ACTR3C: variants seen among roughly 807,000 people sequenced by gnomAD.
ACTR3C encodes actin-related protein 3C.
A neutral mutation model predicts 26.3 loss-of-function variants in ACTR3C; 18 were observed. The observed-to-expected ratio is 0.68, with a 90% CI of 0.47 to 1.01. The LOEUF (loss-of-function observed/expected upper bound fraction) is 1.01. Among genes scored for constraint, ACTR3C ranks in the 50% least tolerant of loss-of-function variants. The pLI is 0.00. For missense variants in ACTR3C, 184 were observed against 250.7 expected (o/e 0.73, Z 1.80); for synonymous variants, 55 against 94.5 (o/e 0.58, Z 2.42).
At chr7:150,215,383 AT>A in the ACTR3C span, among the ~76,000 whole-genome samples, 1 of 152,138 alleles carries the variant, frequency 6.6e-6, no homozygotes, top group African/African-American at 2.4e-5. Context: ...CAAATGATGA[AT>A]AAGGATTGAC....
the ACTR3C span, among the ~76,000 whole-genome samples, chr7:149,966,702 C>T: frequency 2.6e-5 from 4 of 152,278 alleles, no homozygotes; most frequent in Middle Eastern, 3.4e-3. Flanking sequence ...GACTAAGGAA[C>T]GACCTTGAGG....
the ACTR3C span, among the ~76,000 whole-genome samples, chr7:149,961,666 A>G: frequency 2.0e-5 from 3 of 151,802 alleles, no homozygotes; most frequent in Non-Finnish European, 4.4e-5. Flanking sequence ...CTATGGGCTC[A>G]TAGAAGTATA....
chr7:149,935,668 C>T, the ACTR3C span, among the ~76,000 whole-genome samples: 6 of 121,420 alleles, frequency 4.9e-5, no homozygotes, highest in African/African-American at 1.5e-4. Flanking sequence ...TCCCAAAGTG[C>T]TGGGATTACA....
chr7:150,126,325 C>T, the ACTR3C span, among the ~76,000 whole-genome samples: 1 of 152,146 alleles, frequency 6.6e-6, no homozygotes, highest in Non-Finnish European at 1.5e-5. Flanking sequence ...ATTTATGATT[C>T]GGAATCAGGA....
chr7:149,985,227 C>CACACACACAT, the ACTR3C span, among the ~76,000 whole-genome samples: 905 of 151,294 alleles, frequency 6.0e-3, 9 homozygotes, highest in African/African-American at 0.021. Context: ...CACACACACA[C>CACACACACAT]ACACACACAC....
chr7:150,043,562 C>G, the ACTR3C span, among the ~76,000 whole-genome samples: 1 of 152,228 alleles, frequency 6.6e-6, no homozygotes, highest in Non-Finnish European at 1.5e-5. Flanking sequence ...CTTCTCAGTA[C>G]CTGGCCTCAT....
the ACTR3C span, among the ~76,000 whole-genome samples, chr7:149,997,232 G>A: frequency 6.6e-6 from 1 of 151,238 alleles, no homozygotes; most frequent in Non-Finnish European, 1.5e-5. Flanking sequence ...TGGCTGTGGT[G>A]GTTCACTCCC....
chr7:149,993,209 G>A, the ACTR3C span, among the ~76,000 whole-genome samples: 1 of 145,994 alleles, frequency 6.8e-6, no homozygotes. Flanking sequence ...CACCTTCACC[G>A]ACACACCCAG....
intron 6 of ACTR3C, among the ~76,000 whole-genome samples, chr7:150,267,993 T>C (rs1237300038): frequency 6.6e-6 from 1 of 152,178 alleles, no homozygotes; most frequent in African/African-American, 2.4e-5. Flanking sequence ...TATCTCAAAG[T>C]TGAACCTTTT....
the ACTR3C span, among the ~76,000 whole-genome samples, chr7:149,938,079 GC>G: frequency 6.6e-6 from 1 of 152,174 alleles, no homozygotes; most frequent in East Asian, 1.9e-4. Flanking sequence ...TCTTCCCTGG[GC>G]AAGAGGTTGA....
At chr7:150,231,181 A>G in the ACTR3C span, among the ~76,000 whole-genome samples, 1 of 152,044 alleles carries the variant, frequency 6.6e-6, no homozygotes, top group Non-Finnish European at 1.5e-5. Flanking sequence ...TCTTGAGCCT[A>G]CTTATTTAGA....
the ACTR3C span, among the ~76,000 whole-genome samples, chr7:150,109,263 T>C: frequency 1.3e-5 from 2 of 152,064 alleles, no homozygotes; most frequent in African/African-American, 4.8e-5. Context: ...CAAAGGAATT[T>C]GTATAGCTTT....
the ACTR3C span, among the ~76,000 whole-genome samples, chr7:150,067,234 G>A: frequency 6.6e-6 from 1 of 152,232 alleles, no homozygotes; most frequent in Non-Finnish European, 1.5e-5. Context: ...TTAAATGCTG[G>A]ATGGGGACTT....
chr7:150,012,145 G>A, the ACTR3C span, among the ~76,000 whole-genome samples: 1 of 152,102 alleles, frequency 6.6e-6, no homozygotes, highest in Admixed American at 6.5e-5. Context: ...CCAGTGTGTA[G>A]GCTAAGTCAG....
At chr7:150,202,492 C>T in the ACTR3C span, among the ~76,000 whole-genome samples, 2 of 152,074 alleles carry the variant, frequency 1.3e-5, no homozygotes, top group Non-Finnish European at 2.9e-5. Context: ...AAGTAAATGT[C>T]ATTCAGCAAT....
chr7:149,964,374 T>A, the ACTR3C span, among the ~76,000 whole-genome samples: 1 of 152,224 alleles, frequency 6.6e-6, no homozygotes, highest in Non-Finnish European at 1.5e-5. Flanking sequence ...CTTTCGAGAC[T>A]ACTGAACCGA....
chr7:150,028,700 TCATC>T, the ACTR3C span, among the ~76,000 whole-genome samples: 2 of 152,124 alleles, frequency 1.3e-5, no homozygotes, highest in Non-Finnish European at 2.9e-5. Context: ...ACCCCCACAC[TCATC>T]CCCCTGTGCT....
chr7:150,127,316 G>A, the ACTR3C span, among the ~76,000 whole-genome samples: 1 of 145,756 alleles, frequency 6.9e-6, no homozygotes, highest in African/African-American at 2.5e-5. Context: ...ACCATAATAG[G>A]AAAAAGAAAA....
At chr7:150,200,073 A>G in the ACTR3C span, among the ~76,000 whole-genome samples, 3,083 of 152,314 alleles carry the variant, frequency 0.02, 72 homozygotes, top group Non-Finnish European at 0.022. Context: ...AATCAGAGCC[A>G]TAATTTCTAG....
Sources: gnomAD v4.1 joint callset for allele counts (sites outside exome capture counted in the v4.1 genomes callset) on GRCh38, gnomAD v4.1.1 for gene constraint, MANE v1.5 for transcripts, NCBI Gene and HGNC (gene_info 2026-07-23, HGNC 2026-07-21) for gene names.